Variants in ANKIB1 observed in about 807,000 individuals in gnomAD.
ANKIB1 encodes the protein ankyrin repeat and IBR domain containing 1.
A neutral mutation model predicts 122.1 loss-of-function variants in ANKIB1; 43 were observed. The observed-to-expected ratio is 0.35, with a 90% CI of 0.28 to 0.45. ANKIB1 has a LOEUF of 0.45. Among genes scored for constraint, ANKIB1 ranks in the 20% least tolerant of loss-of-function variants. ANKIB1 has a pLI of 1.00. For synonymous variants in ANKIB1, 390 were observed against 442.0 expected, an observed-to-expected ratio of 0.88 and a Z score of 1.48; for missense variants, 992 against 1,329.5, an observed-to-expected ratio of 0.75 and a Z score of 3.95.
At chr7:92,297,050 A>G (rs1400196906) in intron 2 of ANKIB1, among the ~76,000 whole-genome samples, 1 of 152,222 alleles carries the variant, frequency 6.6e-6, no homozygotes, top group Non-Finnish European at 1.5e-5. Flanking sequence ...CTGATATAAT[A>G]ATGGCAAATG....
At chr7:92,356,767 T>A (rs1278961920) in intron 9 of ANKIB1, among the ~76,000 whole-genome samples, 1 of 152,208 alleles carries the variant, frequency 6.6e-6, no homozygotes, top group African/African-American at 2.4e-5. Context: ...GCTTATCCAC[T>A]CTTTACTTGT....
chr7:92,315,188 C>T (rs756891596), intron 3 of ANKIB1, among the ~76,000 whole-genome samples: 2 of 152,058 alleles, frequency 1.3e-5, no homozygotes, highest in Admixed American at 6.6e-5. Context: ...CAAGTGACTT[C>T]GAAGCCTGCT....
At chr7:92,361,075 GTGA>G (rs1352744193) in intron 9 of ANKIB1, among the ~76,000 whole-genome samples, 2 of 152,068 alleles carry the variant, frequency 1.3e-5, no homozygotes, top group Non-Finnish European at 2.9e-5. Context: ...AGCACTGATG[GTGA>G]TGATATCACT....
chr7:92,390,467 A>G (rs1416991500), intron 15 of ANKIB1, among the ~76,000 whole-genome samples: 3 of 152,206 alleles, frequency 2.0e-5, no homozygotes, highest in Non-Finnish European at 4.4e-5. Context: ...ATTACCTATA[A>G]GATGAGAAAG....
chr7:92,364,054 T>C (rs964663841), intron 10 of ANKIB1, among the ~76,000 whole-genome samples: 2 of 152,132 alleles, frequency 1.3e-5, no homozygotes, highest in Non-Finnish European at 2.9e-5. Context: ...ACATCTGTAA[T>C]CCTAGCACTT....
chr7:92,362,158 T>G, intron 9 of ANKIB1, 27 bp from the exon 10 acceptor site: 1 of 1,558,964 alleles, frequency 6.4e-7, no homozygotes, highest in Non-Finnish European at 8.7e-7. Context: ...ATTTTAAAAT[T>G]GTCTTTTCTG....
At position 92,390,028 on chromosome 7, in the gene ANKIB1, A is replaced by G. The variant is rs757245218; in HGVS notation, c.1964A>G (p.Lys655Arg). ...GAAGATGCAGTTCATGTGCTCTTAA[A>G]AACTCGGCGCATTCTCAAGTGTTCT... The part of the protein sequence containing the change: ...FIEDAVHVLL[K>R]TRRILKCSYP... Residue 655 changes from lysine to arginine, a missense_variant, in exon 15 of 20, where the codon AAA (lysine) becomes AGA (arginine). Around this residue, in one of 4 missense-constraint regions of ANKIB1, gnomAD observed 521 missense variants for 777.7 expected, o/e 0.67. Transcript: ENST00000265742. 6.2e-7 allele frequency: 1 copy of G among 1,607,870 alleles called. No individual in the cohort carries two copies. Among genetic ancestry groups the G allele is most frequent in the Non-Finnish European group, 8.5e-7 (1 of 1,178,018 alleles).
chr7:92,312,737 C>CAATATGTA (rs1269557588), intron 3 of ANKIB1, among the ~76,000 whole-genome samples: 6 of 152,152 alleles, frequency 3.9e-5, no homozygotes, highest in African/African-American at 1.4e-4. Flanking sequence ...ATAACATTAT[C>CAATATGTA]AATATGTAAC....
chr7:92,320,041 G>C (rs148071607), intron 4 of ANKIB1: 1 of 152,302 alleles, frequency 6.6e-6, no homozygotes, highest in Non-Finnish European at 1.5e-5. Context: ...GTGCTGATGT[G>C]AGATATGAAT....
At position 92,401,286 on chromosome 7, in the gene ANKIB1, A is replaced by C. The variant is rs1805005544; in HGVS notation, c.*2337A>C. On this transcript the variant is annotated 3_prime_UTR_variant, in exon 20 of 20. Transcript: ENST00000265742. ...TCTATACTTGATACATTCCCACTTTATATACAGTAGGATTCTACAAACGTG... is the reference window on the plus strand; with the variant it reads ...TCTATACTTGATACATTCCCACTTTCTATACAGTAGGATTCTACAAACGTG... 6.6e-6 allele frequency: 1 copy of C among 152,220 alleles called. No homozygotes were observed. The highest frequency in any genetic ancestry group is 6.5e-5 in the Admixed American group (1 of 15,284). The allele number at this position is 152,220 out of a possible 1,614,324, so 9.4% of individuals were successfully genotyped here. A position where few individuals can be genotyped will look rare whatever the true frequency, so the allele number is the denominator to read the frequency against.
chr7:92,385,175 A>G (rs1001379063), intron 11 of ANKIB1, among the ~76,000 whole-genome samples: 2 of 152,242 alleles, frequency 1.3e-5, no homozygotes, highest in Non-Finnish European at 2.9e-5. Context: ...CAAAACCACA[A>G]TGAGATACCA....
chr7:92,309,617 G>A (rs1224860343), intron 3 of ANKIB1, among the ~76,000 whole-genome samples: 1 of 151,920 alleles, frequency 6.6e-6, no homozygotes, highest in Non-Finnish European at 1.5e-5. Flanking sequence ...CTGGATGGTA[G>A]CAATAGTGCT....
At chr7:92,344,059 G>GT (rs1229484073) in intron 6 of ANKIB1, among the ~76,000 whole-genome samples, 1 of 152,106 alleles carries the variant, frequency 6.6e-6, no homozygotes, top group Non-Finnish European at 1.5e-5. Context: ...CATATGTAAC[G>GT]TGATAAATTT....
At chr7:92,329,747 A>C (rs1235677779) in intron 5 of ANKIB1, among the ~76,000 whole-genome samples, 1 of 152,160 alleles carries the variant, frequency 6.6e-6, no homozygotes, top group Admixed American at 6.6e-5. Context: ...ATTTGACCAC[A>C]GTCCCATTAT....
At chr7:92,293,294 A>G (rs1802288457) in intron 1 of ANKIB1, among the ~76,000 whole-genome samples, 1 of 152,126 alleles carries the variant, frequency 6.6e-6, no homozygotes, top group Admixed American at 6.5e-5. Flanking sequence ...GTTGAGAACT[A>G]CCCTACACAA....
At chr7:92,265,617 G>A (rs906995149) in intron 1 of ANKIB1, among the ~76,000 whole-genome samples, 37 of 152,312 alleles carry the variant, frequency 2.4e-4, no homozygotes, top group Admixed American at 9.2e-4. Context: ...AGAAATAGAC[G>A]AATGAAGCTG....
intron 1 of ANKIB1, among the ~76,000 whole-genome samples, chr7:92,265,155 A>G (rs1801645749): frequency 6.6e-6 from 1 of 151,540 alleles, no homozygotes; most frequent in South Asian, 2.1e-4. Context: ...TTTTTTTCAC[A>G]TTTTGTAGAG....
chr7:92,396,977 T>C (rs977430341), intron 18 of ANKIB1, among the ~76,000 whole-genome samples: 1 of 152,220 alleles, frequency 6.6e-6, no homozygotes, highest in African/African-American at 2.4e-5. Flanking sequence ...ATTATTCAAC[T>C]TTTAAATGTT....
At chr7:92,380,740 C>A (rs527946369) in intron 11 of ANKIB1, among the ~76,000 whole-genome samples, 1 of 152,272 alleles carries the variant, frequency 6.6e-6, no homozygotes, top group African/African-American at 2.4e-5. Context: ...ACACCAAAAC[C>A]CCATCTGTAG....
Sources: gnomAD v4.1 joint callset for allele counts (sites outside exome capture counted in the v4.1 genomes callset) on GRCh38, gnomAD v4.1.1 for gene constraint, gnomAD v4.1.1 regional missense constraint, MANE v1.5 for transcripts, NCBI Gene and HGNC (gene_info 2026-07-23, HGNC 2026-07-21) for gene names.